HELZ: variants seen among roughly 807,000 people sequenced by gnomAD.
The protein encoded by HELZ is helicase with zinc finger.
In HELZ, 23 loss-of-function variants were observed where a neutral mutation model predicts 218.2. The observed-to-expected ratio is 0.11, with a 90% CI of 0.08 to 0.15. The LOEUF (loss-of-function observed/expected upper bound fraction) is 0.15. HELZ is among the 10% of genes least tolerant of loss of function. HELZ has a pLI of 1.00. For synonymous variants in HELZ, 814 were observed against 829.4 expected (o/e 0.98, Z 0.32); for missense variants, 1,813 against 2,353.7 (o/e 0.77, Z 4.75).
At chr17:67,118,899 T>C (rs1567815377) in intron 27 of HELZ, among the ~76,000 whole-genome samples, 2 of 152,174 alleles carry the variant, frequency 1.3e-5, no homozygotes, top group East Asian at 3.9e-4. Context: ...AATAAAAAGA[T>C]ACTCAACATC....
intron 31 of HELZ, among the ~76,000 whole-genome samples, chr17:67,102,747 T>A (rs1567801365): frequency 6.6e-6 from 1 of 152,194 alleles, no homozygotes; most frequent in South Asian, 2.1e-4. Context: ...AAAAATATTA[T>A]CTTTGTCAAA....
chr17:67,212,591 C>A (rs1196115632), intron 5 of HELZ, among the ~76,000 whole-genome samples: 5 of 152,110 alleles, frequency 3.3e-5, no homozygotes, highest in Non-Finnish European at 7.4e-5. Flanking sequence ...CATGTATAAT[C>A]TTGGCCAATA....
At chr17:67,158,683 T>C (rs958422082) in intron 17 of HELZ, among the ~76,000 whole-genome samples, 2 of 152,076 alleles carry the variant, frequency 1.3e-5, no homozygotes, top group African/African-American at 2.4e-5. Flanking sequence ...TTTCGAGACT[T>C]ACAGACAGGT....
At chr17:67,225,476 A>G (rs1339936318) in intron 3 of HELZ, 1 of 153,808 alleles carries the variant, frequency 6.5e-6, no homozygotes, top group African/African-American at 2.4e-5. Flanking sequence ...AAAAGCACCA[A>G]ATGTGACAGT....
chr17:67,089,668 T>TATATAGAG (rs71293575), intron 31 of HELZ, among the ~76,000 whole-genome samples: 18 of 70,642 alleles, frequency 2.5e-4, no homozygotes, highest in African/African-American at 9.1e-4. Flanking sequence ...TATATATATA[T>TATATAGAG]AGAGAGAGAG....
chr17:67,173,629 A>G (rs577866924), intron 13 of HELZ, among the ~76,000 whole-genome samples: 2 of 152,378 alleles, frequency 1.3e-5, no homozygotes, highest in East Asian at 3.9e-4. Flanking sequence ...ACAAAGTAAT[A>G]AAACAATCCC....
chr17:67,156,264 A>T (rs2038840373), intron 17 of HELZ, among the ~76,000 whole-genome samples: 2 of 152,120 alleles, frequency 1.3e-5, no homozygotes, highest in African/African-American at 4.8e-5. Context: ...TTATGAGAAA[A>T]AAAATTACCA....
At chr17:67,239,935 AAGG>A (rs1427948198) in intron 2 of HELZ, 6 of 152,200 alleles carry the variant, frequency 3.9e-5, no homozygotes, top group African/African-American at 1.4e-4. Flanking sequence ...ATGAGAATTA[AAGG>A]AGATGATGAG....
intron 32 of HELZ, among the ~76,000 whole-genome samples, chr17:67,082,657 G>T (rs899409557): frequency 6.6e-6 from 1 of 151,916 alleles, no homozygotes; most frequent in African/African-American, 2.4e-5. Context: ...CACTGATTTT[G>T]TGAATAAAAC....
chr17:67,123,213 G>GA (rs1164741000), intron 25 of HELZ, 53 bp from the exon 26 acceptor site: 46 of 1,056,414 alleles, frequency 4.4e-5, no homozygotes, highest in Middle Eastern at 2.2e-4. Context: ...TAGTCATCCA[G>GA]AAAAAATAAT....
chr17:67,085,900 G>A (rs945149887), intron 32 of HELZ, among the ~76,000 whole-genome samples: 10 of 152,146 alleles, frequency 6.6e-5, no homozygotes, highest in African/African-American at 2.2e-4. Context: ...CATCATACAA[G>A]TTTAGAGTGT....
chr17:67,207,251 C>G (rs1254954580), intron 5 of HELZ, among the ~76,000 whole-genome samples: 1 of 109,064 alleles, frequency 9.2e-6, no homozygotes. Context: ...GATGGAGTCT[C>G]GCTTTGTTGC....
chr17:67,104,883 A>C (rs751082030), intron 31 of HELZ, among the ~76,000 whole-genome samples: 33 of 152,136 alleles, frequency 2.2e-4, no homozygotes, highest in Non-Finnish European at 2.9e-5. Context: ...GCACTTTGGG[A>C]GGCTGGGGGC....
chr17:67,208,656 T>C (rs952206868), intron 5 of HELZ, among the ~76,000 whole-genome samples: 1 of 152,006 alleles, frequency 6.6e-6, no homozygotes, highest in African/African-American at 2.4e-5. Flanking sequence ...GCGGTTCACA[T>C]ATGTAATCCC....
intron 3 of HELZ, among the ~76,000 whole-genome samples, chr17:67,234,059 A>AAGAG (rs1034509355): frequency 2.0e-5 from 3 of 148,564 alleles, no homozygotes; most frequent in Non-Finnish European, 4.5e-5. Context: ...AAAAAAAAAA[A>AAGAG]AGAGAGAGAG....
At chr17:67,145,210 C>G (rs531730575) in intron 21 of HELZ, among the ~76,000 whole-genome samples, 4 of 152,268 alleles carry the variant, frequency 2.6e-5, no homozygotes, top group Non-Finnish European at 4.4e-5. Context: ...GAAGACGTTG[C>G]CATTTTTTTG....
intron 2 of HELZ, among the ~76,000 whole-genome samples, chr17:67,242,989 T>C (rs2041366994): frequency 6.6e-6 from 1 of 152,122 alleles, no homozygotes; most frequent in Admixed American, 6.5e-5. Context: ...CAATTACTTA[T>C]TATTTTTCTA....
chr17:67,191,359 T>A (rs2144297906), intron 9 of HELZ, among the ~76,000 whole-genome samples: 1 of 152,350 alleles, frequency 6.6e-6, no homozygotes, highest in African/African-American at 2.4e-5. Context: ...AATGTTCATT[T>A]TAAAGGACAG....
At chr17:67,202,260 C>T (rs1445760606) in intron 6 of HELZ, among the ~76,000 whole-genome samples, 2 of 152,020 alleles carry the variant, frequency 1.3e-5, no homozygotes, top group African/African-American at 2.4e-5. Flanking sequence ...CTCTTTTCTT[C>T]CACTTTCTAT....
Sources: allele counts gnomAD v4.1 joint callset (sites outside exome capture counted in the v4.1 genomes callset), GRCh38; gene constraint gnomAD v4.1.1; transcripts MANE v1.5; gene names NCBI Gene and HGNC (gene_info 2026-07-23, HGNC 2026-07-21).